Variants in PDXDC1 observed in about 807,000 individuals in gnomAD.
PDXDC1 encodes pyridoxal-dependent decarboxylase domain-containing protein 1.
PDXDC1 carries 42 observed loss-of-function variants against 100.1 expected under a neutral mutation model. That is an observed-to-expected ratio of 0.42 (90% CI 0.33 to 0.54). The LOEUF (loss-of-function observed/expected upper bound fraction) is 0.54. PDXDC1 is among the 20% of genes least tolerant of loss of function. The pLI is 0.10. For missense variants in PDXDC1, 636 were observed against 979.2 expected (o/e 0.65, Z 4.68); for synonymous variants, 260 against 371.7 (o/e 0.70, Z 3.46).
At chr16:15,072,674 G>C (rs2045286412) in intron 16 of PDXDC1, among the ~76,000 whole-genome samples, 1 of 152,102 alleles carries the variant, frequency 6.6e-6, no homozygotes, top group Non-Finnish European at 1.5e-5. Context: ...ATGGTAACCT[G>C]TGGTCCCAGC....
chr16:15,145,619 G>T, the PDXDC1 span, among the ~76,000 whole-genome samples: 6 of 152,276 alleles, frequency 3.9e-5, no homozygotes, highest in Admixed American at 1.3e-4. Context: ...GCCCGCCTCA[G>T]CCCCAGATGT....
At chr16:15,125,491 C>G (rs2047660213) in intron 16 of PDXDC1, 1 of 1,225,500 alleles carries the variant, frequency 8.2e-7, no homozygotes, top group African/African-American at 1.5e-5. Flanking sequence ...CCCGCACACC[C>G]CCGGTACTCC....
chr16:15,109,841 T>G (rs1415305732), intron 16 of PDXDC1, among the ~76,000 whole-genome samples: 1 of 130,114 alleles, frequency 7.7e-6, no homozygotes, highest in East Asian at 2.2e-4. Flanking sequence ...AGAGCGAGAC[T>G]CTATCTCAAA....
intron 16 of PDXDC1, chr16:15,047,525 A>G (rs367755556): frequency 2.4e-5 from 38 of 1,613,864 alleles, no homozygotes; most frequent in South Asian, 1.3e-4. Flanking sequence ...TTCCGTCACA[A>G]TGTGTCAAGC....
At chr16:15,133,677 C>T (rs886393781) in intron 16 of PDXDC1, 38 of 1,585,364 alleles carry the variant, frequency 2.4e-5, no homozygotes, top group Non-Finnish European at 2.8e-5. Flanking sequence ...ACCAGCGGGG[C>T]GCCAGCATCC....
chr16:14,977,362 C>T (rs1966937303), intron 1 of PDXDC1, among the ~76,000 whole-genome samples: 1 of 151,092 alleles, frequency 6.6e-6, no homozygotes, highest in Non-Finnish European at 1.5e-5. Flanking sequence ...TCCCTGCAAC[C>T]TCCGCCTCCC....
intron 16 of PDXDC1, chr16:15,130,415 G>C (rs1396947772): frequency 6.4e-7 from 1 of 1,554,680 alleles, no homozygotes; most frequent in East Asian, 2.3e-5. Flanking sequence ...GGAAGTGGCT[G>C]GAGAGGTTCA....
In PDXDC1 at chr16:15,117,719, A is replaced by G. The variant is rs866523130; in HGVS notation, c.1400-21160A>G. Among the ~76,000 whole-genome samples, 26 of 114,594 alleles carry G rather than the reference A, an allele frequency of 2.3e-4. No individual in the cohort carries two copies. The South Asian group carries it at 9.1e-3, about 40-fold the overall frequency. The allele number at this position is 114,594 out of a possible 152,430, so 75.2% of individuals were successfully genotyped here. A position where few individuals can be genotyped will look rare whatever the true frequency, so the allele number is the denominator to read the frequency against. ...GGGTGAGAAAAGAAAAAAAAAAAAA[A>G]AAGCTTCCTCCAATTTATACCAAAA... On this transcript the variant is annotated intron_variant, in intron 16 of 16. Transcript: ENST00000535621.
chr16:15,034,726 A>G (rs1051340578), intron 21 of PDXDC1, among the ~76,000 whole-genome samples, 173 bp downstream of exon 21: 2 of 151,868 alleles, frequency 1.3e-5, no homozygotes, highest in Non-Finnish European at 2.9e-5. Context: ...CCTCCTCCCC[A>G]CCGCACCCTG....
At chr16:15,001,265 G>C (rs2151358503) in intron 3 of PDXDC1, among the ~76,000 whole-genome samples, 1 of 152,382 alleles carries the variant, frequency 6.6e-6, no homozygotes, top group African/African-American at 2.4e-5. Context: ...GAGGAGGGTG[G>C]ATCACTTGAA....
At chr16:15,018,017 A>G (rs1464485356) in intron 11 of PDXDC1, among the ~76,000 whole-genome samples, 2 of 151,888 alleles carry the variant, frequency 1.3e-5, no homozygotes, top group Non-Finnish European at 2.9e-5. Flanking sequence ...TGAACTCGCG[A>G]TCTCAGGTGA....
At chr16:15,062,060 T>C (rs1355181524) in intron 16 of PDXDC1, among the ~76,000 whole-genome samples, 1 of 152,212 alleles carries the variant, frequency 6.6e-6, no homozygotes, top group Admixed American at 6.5e-5. Context: ...ACGCCTGTAG[T>C]CCCAGCTACT....
intron 16 of PDXDC1, among the ~76,000 whole-genome samples, chr16:15,102,876 C>G (rs1159819133): frequency 2.0e-5 from 3 of 149,568 alleles, no homozygotes; most frequent in Admixed American, 1.3e-4. Context: ...AAGTTCAAGG[C>G]TAAAGTGAGC....
intron 16 of PDXDC1, chr16:15,065,521 TAAC>T (rs2044931899): frequency 1.6e-6 from 1 of 622,726 alleles, no homozygotes; most frequent in Non-Finnish European, 2.8e-6. Flanking sequence ...AAGCAGAAAG[TAAC>T]ACTTTTAGGG....
chr16:15,146,891 G>A, the PDXDC1 span, among the ~76,000 whole-genome samples: 1 of 152,000 alleles, frequency 6.6e-6, no homozygotes, highest in South Asian at 2.1e-4. Flanking sequence ...ATCTAATCAT[G>A]GAGCCCACTT....
intron 16 of PDXDC1, among the ~76,000 whole-genome samples, chr16:15,102,876 C>A (rs1159819133): frequency 6.7e-6 from 1 of 149,454 alleles, no homozygotes. Flanking sequence ...AAGTTCAAGG[C>A]TAAAGTGAGC....
chr16:15,089,628 A>G (rs546070527), intron 16 of PDXDC1, among the ~76,000 whole-genome samples: 102 of 150,478 alleles, frequency 6.8e-4, no homozygotes, highest in Middle Eastern at 3.5e-3. Context: ...GTGAAACCCC[A>G]CCTCTACTAA....
At chr16:15,125,432 C>G (rs1401801906) in intron 16 of PDXDC1, 3 of 844,534 alleles carry the variant, frequency 3.6e-6, no homozygotes, top group Non-Finnish European at 6.1e-6. Context: ...AACCTGCTCC[C>G]ACGTGGTGTG....
intron 12 of PDXDC1, among the ~76,000 whole-genome samples, chr16:15,022,298 AT>A (rs2042264965): frequency 6.6e-6 from 1 of 152,298 alleles, no homozygotes; most frequent in African/African-American, 2.4e-5. Flanking sequence ...GAATTGACTT[AT>A]CCGTGGTCCT....
Sources: gnomAD v4.1 joint callset for allele counts (sites outside exome capture counted in the v4.1 genomes callset) on GRCh38, gnomAD v4.1.1 for gene constraint, MANE v1.5 for transcripts, NCBI Gene and HGNC (gene_info 2026-07-23, HGNC 2026-07-21) for gene names.